Variants in ELMO1 observed in about 807,000 individuals in gnomAD.
ELMO1 encodes engulfment and cell motility 1.
A neutral mutation model predicts 98.9 loss-of-function variants in ELMO1; 26 were observed. The observed-to-expected ratio is 0.26, with a 90% CI of 0.19 to 0.36. ELMO1 has a LOEUF of 0.36. Among genes scored for constraint, ELMO1 ranks in the 10% least tolerant of loss-of-function variants. The pLI, the probability that ELMO1 is intolerant of heterozygous loss-of-function variation, is 1.00. For missense variants in ELMO1, 627 were observed against 935.2 expected, an observed-to-expected ratio of 0.67 and a Z score of 4.30; for synonymous variants, 346 against 346.0, an observed-to-expected ratio of 1.00 and a Z score of 0.00.
intron 13 of ELMO1, among the ~76,000 whole-genome samples, chr7:37,144,194 C>T (rs1438718997): frequency 1.3e-5 from 2 of 152,038 alleles, no homozygotes; most frequent in African/African-American, 4.8e-5. Flanking sequence ...AGCATCACTA[C>T]ATTTCAGATA....
intron 1 of ELMO1, among the ~76,000 whole-genome samples, chr7:37,431,171 T>C (rs920867702): frequency 6.6e-6 from 1 of 152,070 alleles, no homozygotes; most frequent in Non-Finnish European, 1.5e-5. Context: ...ACCCCATCTC[T>C]ACAGAAAATA....
intron 1 of ELMO1, among the ~76,000 whole-genome samples, chr7:37,410,804 A>G (rs1016259695): frequency 6.6e-6 from 1 of 152,214 alleles, no homozygotes; most frequent in African/African-American, 2.4e-5. Context: ...TTGGAGAAAA[A>G]AACTGCAAAG....
At chr7:37,090,417 T>A (rs1266005496) in intron 15 of ELMO1, among the ~76,000 whole-genome samples, 1 of 152,216 alleles carries the variant, frequency 6.6e-6, no homozygotes, top group Non-Finnish European at 1.5e-5. Context: ...AATCCTTCTA[T>A]TGGTTTCCAC....
chr7:37,003,855 T>A (rs926203596), intron 16 of ELMO1, among the ~76,000 whole-genome samples: 5 of 152,312 alleles, frequency 3.3e-5, no homozygotes, highest in African/African-American at 1.2e-4. Flanking sequence ...ACTCTCTCAC[T>A]CTGACTGCTT....
At chr7:36,894,511 C>T (rs551876663) in intron 17 of ELMO1, among the ~76,000 whole-genome samples, 1 of 152,300 alleles carries the variant, frequency 6.6e-6, no homozygotes, top group East Asian at 1.9e-4. Flanking sequence ...ATTCAAAGGG[C>T]ACCCACATGA....
intron 2 of ELMO1, among the ~76,000 whole-genome samples, chr7:37,337,109 A>C (rs1445679735): frequency 6.6e-6 from 1 of 152,212 alleles, no homozygotes; most frequent in African/African-American, 2.4e-5. Flanking sequence ...ACGTATGTTT[A>C]TTGCGGCACT....
chr7:37,028,823 AC>A (rs1199773095), intron 15 of ELMO1, among the ~76,000 whole-genome samples: 1 of 152,194 alleles, frequency 6.6e-6, no homozygotes, highest in African/African-American at 2.4e-5. Context: ...TAAACAAGAC[AC>A]CAAATCCATT....
chr7:37,421,657 A>AG (rs1197694966), intron 1 of ELMO1, among the ~76,000 whole-genome samples: 2 of 152,210 alleles, frequency 1.3e-5, no homozygotes, highest in Non-Finnish European at 2.9e-5. Flanking sequence ...CTGGGTTCTT[A>AG]GGGGCTGAAT....
intron 13 of ELMO1, among the ~76,000 whole-genome samples, chr7:37,167,966 TC>T (rs1464199937): frequency 6.6e-6 from 1 of 152,172 alleles, no homozygotes; most frequent in East Asian, 1.9e-4. Flanking sequence ...CCCGTCACTT[TC>T]AGGTACACCA....
At chr7:37,221,585 C>T (rs1420326144) in intron 10 of ELMO1, among the ~76,000 whole-genome samples, 2 of 152,192 alleles carry the variant, frequency 1.3e-5, no homozygotes, top group Non-Finnish European at 1.5e-5. Context: ...CACTTCTTCA[C>T]ATCCCCTCTG....
intron 1 of ELMO1, among the ~76,000 whole-genome samples, chr7:37,435,413 C>T (rs1233765633): frequency 2.0e-5 from 3 of 152,214 alleles, no homozygotes; most frequent in Non-Finnish European, 4.4e-5. Flanking sequence ...CTTCAAAGCA[C>T]TTATCACTTC....
intron 16 of ELMO1, among the ~76,000 whole-genome samples, chr7:36,897,138 CCT>C (rs1806073222): frequency 6.6e-6 from 1 of 152,142 alleles, no homozygotes; most frequent in South Asian, 2.1e-4. Flanking sequence ...CAGCACTGGG[CCT>C]AAGTGGGCAC....
At position 37,342,908 on chromosome 7, in the gene ELMO1, C is replaced by A. The variant is rs916020483; in HGVS notation, c.-73-145G>T. On this transcript the variant is annotated intron_variant, in intron 1 of 21. Coordinates refer to ENST00000310758, the MANE Select transcript of ELMO1 (RefSeq NM_014800.11). The surrounding 1 kb of genome is among the most constrained non-coding windows in gnomAD (Gnocchi z 4.3). ...CCTGGGTGCTGAAGGTGCAGGGGCA[C>A]AGCCAACGGTACAATGGGCTCCTGA... 1 of 518,006 alleles carries A rather than the reference C, an allele frequency of 1.9e-6. No individual in the cohort carries two copies. The highest frequency in any genetic ancestry group is 3.4e-6 in the Non-Finnish European group (1 of 294,874). The allele number at this position is 518,006 out of a possible 1,614,324, so 32.1% of individuals were successfully genotyped here. A position where few individuals can be genotyped will look rare whatever the true frequency, so the allele number is the denominator to read the frequency against.
chr7:37,073,378 T>C (rs565340436), intron 15 of ELMO1, among the ~76,000 whole-genome samples: 3 of 152,346 alleles, frequency 2.0e-5, no homozygotes, highest in South Asian at 2.1e-4. Flanking sequence ...CATGTATTTA[T>C]GCAGATAATG....
At chr7:37,446,910 A>G (rs1805640232) in intron 1 of ELMO1, among the ~76,000 whole-genome samples, 1 of 152,242 alleles carries the variant, frequency 6.6e-6, no homozygotes, top group Admixed American at 6.5e-5. Context: ...ATGTACAATA[A>G]TAAAGAGTAA....
chr7:37,273,312 G>A (rs1293648890), intron 4 of ELMO1, among the ~76,000 whole-genome samples: 1 of 152,176 alleles, frequency 6.6e-6, no homozygotes, highest in East Asian at 1.9e-4. Flanking sequence ...GATAATAGGG[G>A]CAGTTTCCCC....
chr7:37,408,963 C>T (rs1803887175), intron 1 of ELMO1, among the ~76,000 whole-genome samples: 1 of 152,152 alleles, frequency 6.6e-6, no homozygotes, highest in Non-Finnish European at 1.5e-5. Context: ...CTGAGCATGA[C>T]TTTCACAGAA....
At chr7:37,115,330 A>G (rs961148107) in intron 14 of ELMO1, among the ~76,000 whole-genome samples, 8 of 152,234 alleles carry the variant, frequency 5.3e-5, no homozygotes, top group African/African-American at 1.9e-4. Flanking sequence ...TCTCATGAAC[A>G]TAAATGTAAA....
In ELMO1 at chr7:36,894,887, A is replaced by T; in HGVS notation, c.1568T>A (p.Met523Lys). 1 of 1,614,158 alleles carries T rather than the reference A, an allele frequency of 6.2e-7. No individual in the cohort carries two copies. The highest frequency in any genetic ancestry group is 8.5e-7 in the Non-Finnish European group (1 of 1,180,014). The part of the protein sequence containing the change: ...EILKIRQSER[M>K]NQEDFQSRPI... Reference sequence around the variant, plus strand: ...GCGGGACTGGAAATCTTCCTGGTTCATCCTCTCGGACTGGCGGATTTTCAG... The same window carrying T: ...GCGGGACTGGAAATCTTCCTGGTTCTTCCTCTCGGACTGGCGGATTTTCAG... Residue 523 changes from methionine (M) to lysine (K), a missense_variant, in exon 17 of 22, where the codon ATG becomes AAG. Met to Lys is a moderately conservative substitution (Grantham distance 95). Coordinates refer to ENST00000310758, the MANE Select transcript of ELMO1 (RefSeq NM_014800.11).
Sources: allele counts gnomAD v4.1 joint callset (sites outside exome capture counted in the v4.1 genomes callset), GRCh38; gene constraint gnomAD v4.1.1; non-coding constraint Gnocchi (gnomAD v3.1); transcripts MANE v1.5; gene names NCBI Gene and HGNC (gene_info 2026-07-23, HGNC 2026-07-21).